Variants in MED27 observed in about 807,000 individuals in gnomAD.
MED27 encodes the protein mediator complex subunit 27, also known as mediator of RNA polymerase II transcription subunit 27.
Under a neutral mutation model 38.2 loss-of-function variants are expected in MED27, and 30 were observed. That is an observed-to-expected ratio of 0.79 (90% CI 0.59 to 1.07). The LOEUF (loss-of-function observed/expected upper bound fraction) is 1.07, where lower values mean the gene tolerates loss of function less well. Among genes scored for constraint, MED27 ranks in the 50% least tolerant of loss-of-function variants. The pLI is 0.00. For synonymous variants in MED27, 122 were observed against 153.5 expected, an observed-to-expected ratio of 0.79 and a Z score of 1.52; for missense variants, 289 against 397.5, an observed-to-expected ratio of 0.73 and a Z score of 2.32.
chr9:132,054,156 G>A (rs906852341), intron 2 of MED27, among the ~76,000 whole-genome samples: 2 of 152,154 alleles, frequency 1.3e-5, no homozygotes, highest in African/African-American at 2.4e-5. Flanking sequence ...CCCAGTGCTA[G>A]AGGCGGGGCC....
At chr9:132,053,169 C>T (rs1833501302) in intron 2 of MED27, among the ~76,000 whole-genome samples, 1 of 152,002 alleles carries the variant, frequency 6.6e-6, no homozygotes, top group Admixed American at 6.5e-5. Flanking sequence ...AGGAGAATGG[C>T]CTGAACCCAG....
chr9:131,953,036 T>C (rs1831029604), intron 3 of MED27, among the ~76,000 whole-genome samples: 1 of 152,230 alleles, frequency 6.6e-6, no homozygotes, highest in Non-Finnish European at 1.5e-5. Flanking sequence ...TTAAACCAAC[T>C]GAAGGTAACA....
chr9:131,947,758 G>A (rs1830911990), intron 3 of MED27, among the ~76,000 whole-genome samples: 2 of 152,084 alleles, frequency 1.3e-5, no homozygotes, highest in African/African-American at 4.8e-5. Context: ...AGCAGCTCGA[G>A]CCGGATTTAA....
intron 2 of MED27, among the ~76,000 whole-genome samples, chr9:132,059,174 G>A (rs1353274074): frequency 6.6e-6 from 1 of 152,184 alleles, no homozygotes; most frequent in Non-Finnish European, 1.5e-5. Context: ...CTCCGCAACT[G>A]AGACACAACA....
intron 3 of MED27, among the ~76,000 whole-genome samples, chr9:131,995,302 T>C (rs971085648): frequency 6.6e-6 from 1 of 151,808 alleles, no homozygotes; most frequent in African/African-American, 2.4e-5. Flanking sequence ...AGCCATCCCA[T>C]TGTTAGCATG....
intron 6 of MED27, among the ~76,000 whole-genome samples, chr9:131,874,832 A>T (rs1838901241): frequency 6.6e-6 from 1 of 152,228 alleles, no homozygotes; most frequent in Non-Finnish European, 1.5e-5. Context: ...GTCCAAGCCC[A>T]AAGACACCTG....
At chr9:132,036,462 A>G (rs531515559) in intron 2 of MED27, among the ~76,000 whole-genome samples, 8 of 152,328 alleles carry the variant, frequency 5.3e-5, no homozygotes, top group Non-Finnish European at 7.3e-5. Flanking sequence ...TTGGCCTCCC[A>G]AAGTACTGGG....
At chr9:132,008,218 T>G (rs191589840) in intron 3 of MED27, among the ~76,000 whole-genome samples, 2 of 152,166 alleles carry the variant, frequency 1.3e-5, no homozygotes, top group Non-Finnish European at 2.9e-5. Flanking sequence ...CTATCTAAGA[T>G]AGAACACAGG....
intron 3 of MED27, among the ~76,000 whole-genome samples, chr9:131,944,947 T>C (rs1329634804): frequency 2.0e-5 from 3 of 152,032 alleles, no homozygotes; most frequent in East Asian, 3.8e-4. Flanking sequence ...TTAAAGTCCA[T>C]TCATGGATCC....
At chr9:131,993,230 G>GT (rs34742134) in intron 3 of MED27, among the ~76,000 whole-genome samples, 58 of 148,964 alleles carry the variant, frequency 3.9e-4, no homozygotes, top group African/African-American at 4.9e-4. Flanking sequence ...TGTTATTCAT[G>GT]TTTTTTTTTT....
chr9:131,914,719 C>T (rs1589209251), intron 4 of MED27, among the ~76,000 whole-genome samples: 1 of 152,194 alleles, frequency 6.6e-6, no homozygotes, highest in Admixed American at 6.5e-5. Flanking sequence ...AACAGTGACA[C>T]TGCACAAGTG....
rs142169691 is a variant in MED27, at chr9:131,863,525, C to T, written c.724-385G>A. 5.5e-3 allele frequency among the ~76,000 whole-genome samples: 845 copies of T among 152,348 alleles called. 5 individuals carry two copies. The highest frequency in any genetic ancestry group is 0.017 in the Middle Eastern group (5 of 294). On this transcript the variant is annotated intron_variant, in intron 6 of 7. Transcript: ENST00000292035. ...GCACATACGACAAGGAGCACTTCCG[C>T]CCGGTACGCACACTTCCTCTTCCTC...
chr9:131,900,971 G>A (rs1829934324), intron 4 of MED27, among the ~76,000 whole-genome samples: 2 of 148,914 alleles, frequency 1.3e-5, no homozygotes, highest in African/African-American at 5.0e-5. Context: ...AAGGGAGAAG[G>A]AGGGAAGGAG....
intron 6 of MED27, among the ~76,000 whole-genome samples, chr9:131,863,355 TGGAGGCAG>T (rs1838682827): frequency 6.6e-6 from 1 of 152,170 alleles, no homozygotes; most frequent in African/African-American, 2.4e-5. Context: ...GATGCAGGCC[TGGAGGCAG>T]GGGGCGTGTG....
At chr9:132,023,731 C>T (rs901320985) in intron 2 of MED27, among the ~76,000 whole-genome samples, 9 of 151,770 alleles carry the variant, frequency 5.9e-5, no homozygotes, top group Non-Finnish European at 1.2e-4. Context: ...GAAACTCACA[C>T]GGAAGGAGAC....
intron 4 of MED27, among the ~76,000 whole-genome samples, chr9:131,908,481 T>C (rs1830122658): frequency 6.6e-6 from 1 of 152,204 alleles, no homozygotes; most frequent in African/African-American, 2.4e-5. Context: ...GGGTGCCGTG[T>C]CTGTGTAGAA....
chr9:131,965,992 G>A (rs1831331580), intron 3 of MED27, among the ~76,000 whole-genome samples: 1 of 150,624 alleles, frequency 6.6e-6, no homozygotes, highest in Non-Finnish European at 1.5e-5. Context: ...AGAGACCCGG[G>A]AGTCTTTAGT....
chr9:132,015,646 C>T (rs1365982449), intron 2 of MED27, among the ~76,000 whole-genome samples: 1 of 152,206 alleles, frequency 6.6e-6, no homozygotes, highest in Non-Finnish European at 1.5e-5. Context: ...CACCTAACAT[C>T]AGGAAATTCT....
Position 131,950,331 on chromosome 9 carries a change from G to A in MED27, c.480-10857C>T, listed in dbSNP as rs186326945. ...AGTTAAAGCAAAGCAACCTGTGGGCGGCAGACATTCAACCAGGAGCTGGCG... is the reference window on the plus strand; with the variant it reads ...AGTTAAAGCAAAGCAACCTGTGGGCAGCAGACATTCAACCAGGAGCTGGCG... On this transcript the variant is annotated intron_variant, in intron 3 of 7. Transcript: ENST00000292035. Among the ~76,000 whole-genome samples, 364 of 152,222 alleles carry A rather than the reference G, an allele frequency of 2.4e-3. 3 individuals are homozygous for A. Among genetic ancestry groups the A allele is most frequent in the Middle Eastern group, 0.017 (5 of 294 alleles).
Sources: gnomAD v4.1 joint callset for allele counts (sites outside exome capture counted in the v4.1 genomes callset) on GRCh38, gnomAD v4.1.1 for gene constraint, MANE v1.5 for transcripts, NCBI Gene and HGNC (gene_info 2026-07-23, HGNC 2026-07-21) for gene names.